TAFA4: variants seen among roughly 807,000 people sequenced by gnomAD.
TAFA4 encodes TAFA chemokine like family member 4.
A neutral mutation model predicts 21.1 loss-of-function variants in TAFA4; 20 were observed. The observed-to-expected ratio is 0.95, with a 90% CI of 0.67 to 1.38. TAFA4 has a LOEUF of 1.38. Among genes scored for constraint, TAFA4 ranks in the 40% most tolerant of loss-of-function variants. The pLI is 0.00. For missense variants in TAFA4, 211 were observed against 180.9 expected (o/e 1.17, Z -0.95); for synonymous variants, 71 against 67.4 (o/e 1.05, Z -0.26).
chr3:68,864,724 G>A lies in TAFA4; in HGVS notation c.130+16006C>T, dbSNP rs188059225. 2.0e-5 allele frequency among the ~76,000 whole-genome samples: 3 copies of A among 152,238 alleles called. No individual in the cohort carries two copies. The East Asian group carries it at 5.8e-4, about 29-fold the overall frequency. ...CAACAAGTGAATGGATAAACAACGT[G>A]TGGCACATAATGGAATACTACTCAG... On this transcript the variant is annotated intron_variant, in intron 3 of 5. Transcript: ENST00000295569.
In TAFA4 at chr3:68,854,500, C is replaced by G. The variant is rs116043968; in HGVS notation, c.130+26230G>C. Among the ~76,000 whole-genome samples the G allele has an allele frequency of 4.7e-3, 709 of 152,200 alleles. 11 individuals are homozygous for G. Among genetic ancestry groups the G allele is most frequent in the African/African-American group, 0.017 (686 of 41,526 alleles). The stretch of plus-strand genomic sequence containing the variant: ...TGGTCAAAAGGCCGTGTGTTCACAG[C>G]TGCTCTTGTGAGTTATCTGAGCTCC... On this transcript the variant is annotated intron_variant, in intron 3 of 5. Coordinates refer to ENST00000295569, the MANE Select transcript of TAFA4 (RefSeq NM_182522.5).
chr3:68,882,580 G>A (rs2089630813), intron 2 of TAFA4, among the ~76,000 whole-genome samples: 1 of 152,158 alleles, frequency 6.6e-6, no homozygotes, highest in Non-Finnish European at 1.5e-5. Flanking sequence ...TTGGGTAAGA[G>A]GAATAAGCCT....
At chr3:68,828,624 A>G (rs1704308689) in intron 3 of TAFA4, among the ~76,000 whole-genome samples, 1 of 152,078 alleles carries the variant, frequency 6.6e-6, no homozygotes, top group Non-Finnish European at 1.5e-5. Flanking sequence ...TAGGTATTTT[A>G]TTCTCTTTGA....
chr3:68,753,753 G>A (rs1575595940), intron 3 of TAFA4, among the ~76,000 whole-genome samples: 1 of 152,206 alleles, frequency 6.6e-6, no homozygotes, highest in African/African-American at 2.4e-5. Context: ...TTGCTGGCTT[G>A]AAGATGGAGG....
At chr3:68,776,265 C>A (rs1363583396) in intron 3 of TAFA4, among the ~76,000 whole-genome samples, 1 of 151,962 alleles carries the variant, frequency 6.6e-6, no homozygotes, top group South Asian at 2.1e-4. Context: ...CAAATATATG[C>A]TATCTATAAG....
chr3:68,747,382 G>A (rs1702478224), intron 4 of TAFA4, among the ~76,000 whole-genome samples: 1 of 151,932 alleles, frequency 6.6e-6, no homozygotes, highest in Admixed American at 6.6e-5. Flanking sequence ...TCATGGGGGT[G>A]GGTTTTTTTT....
At chr3:68,907,914 G>A (rs1224448133) in intron 1 of TAFA4, among the ~76,000 whole-genome samples, 1 of 152,154 alleles carries the variant, frequency 6.6e-6, no homozygotes, top group East Asian at 1.9e-4. Flanking sequence ...TATTAACAAG[G>A]GGGACAGGGT....
At chr3:68,923,969 T>G (rs1204318638) in intron 1 of TAFA4, among the ~76,000 whole-genome samples, 2 of 152,222 alleles carry the variant, frequency 1.3e-5, no homozygotes, top group African/African-American at 4.8e-5. Context: ...GATGATTGAT[T>G]GTGTCTACCT....
At chr3:68,872,171 T>C (rs1428522681) in intron 3 of TAFA4, among the ~76,000 whole-genome samples, 3 of 151,980 alleles carry the variant, frequency 2.0e-5, no homozygotes, top group Non-Finnish European at 2.9e-5. Context: ...ACTGGATGAA[T>C]GGATAAAGCA....
rs543146214 is a variant in TAFA4, at chr3:68,781,553, CAA to C, written c.131-28537_131-28536del. Among the ~76,000 whole-genome samples, 653 of 152,004 alleles carry C rather than the reference CAA, an allele frequency of 4.3e-3. 4 individuals are homozygous for C. Among genetic ancestry groups the C allele is most frequent in the Middle Eastern group, 0.01 (3 of 294 alleles). ...GAAAAATTCCTGAAAAACAAACTACCAAAGCTCATTCCAAAAGATACTGACAA... is the reference window on the plus strand; with the variant it reads ...GAAAAATTCCTGAAAAACAAACTACCAGCTCATTCCAAAAGATACTGACAA... On this transcript the variant is annotated intron_variant, in intron 3 of 5. Transcript: ENST00000295569.
chr3:68,764,891 C>T (rs1702819454), intron 3 of TAFA4, among the ~76,000 whole-genome samples: 1 of 152,098 alleles, frequency 6.6e-6, no homozygotes, highest in Admixed American at 6.6e-5. Flanking sequence ...AGTTGACAAG[C>T]AGGGCACTGA....
intron 3 of TAFA4, among the ~76,000 whole-genome samples, chr3:68,834,489 T>C (rs1559537495): frequency 6.6e-6 from 1 of 152,130 alleles, no homozygotes; most frequent in African/African-American, 2.4e-5. Flanking sequence ...GCTATTACTA[T>C]CATCATCATC....
chr3:68,859,547 A>AC (rs1215330092), intron 3 of TAFA4, among the ~76,000 whole-genome samples: 1 of 152,194 alleles, frequency 6.6e-6, no homozygotes, highest in Non-Finnish European at 1.5e-5. Context: ...GTTAGCATTC[A>AC]CCACAAAATG....
At chr3:68,815,756 C>T (rs545982040) in intron 3 of TAFA4, among the ~76,000 whole-genome samples, 25 of 152,256 alleles carry the variant, frequency 1.6e-4, no homozygotes, top group Admixed American at 7.8e-4. Context: ...GTCAGTGTGG[C>T]GATTCCTCAA....
At chr3:68,742,528 A>T (rs1037843762) in intron 4 of TAFA4, among the ~76,000 whole-genome samples, 2 of 152,068 alleles carry the variant, frequency 1.3e-5, no homozygotes, top group African/African-American at 4.8e-5. Flanking sequence ...TCCTTCCTGC[A>T]TTTTCTAATT....
intron 3 of TAFA4, among the ~76,000 whole-genome samples, chr3:68,782,615 C>T (rs1266838536): frequency 2.0e-5 from 3 of 151,796 alleles, no homozygotes; most frequent in Admixed American, 6.6e-5. Context: ...AAACATGATG[C>T]TAAGTGAAAA....
Position 68,885,362 on chromosome 3 carries a change from TAA to T in TAFA4, c.-122-54_-122-53del, listed in dbSNP as rs1233483276. The T allele has an allele frequency of 3.8e-4, 225 of 589,068 alleles. 1 individual carries two copies. In the East Asian group the frequency reaches 5.1e-3, roughly 13 times the overall value. The allele number at this position is 589,068 out of a possible 1,614,324, so 36.5% of individuals were successfully genotyped here. On this transcript the variant is annotated intron_variant, in intron 1 of 5. Transcript: ENST00000295569. ...AAGGAATCAATTAGCATTTTAATGTTAAAATGAAACTAATTTCCAGTAGCAAA... is the reference window on the plus strand; with the variant it reads ...AAGGAATCAATTAGCATTTTAATGTTAATGAAACTAATTTCCAGTAGCAAA...
intron 3 of TAFA4, among the ~76,000 whole-genome samples, chr3:68,795,073 G>A (rs1010280146): frequency 6.6e-6 from 1 of 151,258 alleles, no homozygotes; most frequent in African/African-American, 2.4e-5. Flanking sequence ...CACAGGGTCT[G>A]AGAGATAAAT....
At chr3:68,797,395 C>G (rs1220671577) in intron 3 of TAFA4, among the ~76,000 whole-genome samples, 1 of 151,950 alleles carries the variant, frequency 6.6e-6, no homozygotes, top group African/African-American at 2.4e-5. Flanking sequence ...GGGTGGATCA[C>G]GAGGTCAGGA....
Sources: gnomAD v4.1 joint callset for allele counts (sites outside exome capture counted in the v4.1 genomes callset) on GRCh38, gnomAD v4.1.1 for gene constraint, MANE v1.5 for transcripts, NCBI Gene and HGNC (gene_info 2026-07-23, HGNC 2026-07-21) for gene names.